Variants in ARHGEF12 observed in about 807,000 individuals in gnomAD.
ARHGEF12 encodes KMT2A/ARHGEF12 fusion protein.
Under a neutral mutation model 211.2 loss-of-function variants are expected in ARHGEF12, and 66 were observed. That is an observed-to-expected ratio of 0.31 (90% CI 0.26 to 0.38). The LOEUF is 0.38. Ranked by LOEUF, ARHGEF12 falls within the 10% of genes least tolerant of loss-of-function variation. The probability of loss-of-function intolerance (pLI) is 1.00; values close to 1 mark genes in which losing one functional copy is unlikely to be tolerated. For missense variants in ARHGEF12, 1,429 were observed against 1,869.5 expected, an observed-to-expected ratio of 0.76 and a Z score of 4.34; for synonymous variants, 592 against 638.4, an observed-to-expected ratio of 0.93 and a Z score of 1.09.
At chr11:120,362,714 C>T (rs1943310357) in intron 1 of ARHGEF12, among the ~76,000 whole-genome samples, 1 of 152,088 alleles carries the variant, frequency 6.6e-6, no homozygotes, top group Non-Finnish European at 1.5e-5. Flanking sequence ...TTTCTTGCTC[C>T]ACTCTAAGGA....
chr11:120,459,423 T>C (rs1409078268), intron 26 of ARHGEF12, 103 bp downstream of exon 26: 1 of 1,228,530 alleles, frequency 8.1e-7, no homozygotes, highest in African/African-American at 1.5e-5. Context: ...TTCCTGAGAT[T>C]ATGTGTGAGA....
At chr11:120,448,196 C>T (rs759509035) in intron 19 of ARHGEF12, 38 bp from the exon 20 acceptor site, 2 of 1,461,598 alleles carry the variant, frequency 1.4e-6, no homozygotes, top group Non-Finnish European at 1.9e-6. Context: ...ACCCTCCCTT[C>T]TCAGAAGTCT....
At chr11:120,347,186 TTC>T (rs1942781122) in intron 1 of ARHGEF12, among the ~76,000 whole-genome samples, 1 of 135,888 alleles carries the variant, frequency 7.4e-6, no homozygotes, top group Non-Finnish European at 1.6e-5. Context: ...CTTCCTTCCT[TTC>T]TTTCTTTCTT....
intron 34 of ARHGEF12, 150 bp downstream of exon 34, chr11:120,476,898 T>C: frequency 1.6e-6 from 1 of 628,592 alleles, no homozygotes. Flanking sequence ...GAACTTGTTC[T>C]TTTTTAGGTT....
chr11:120,368,217 C>T (rs1943484322), intron 1 of ARHGEF12, among the ~76,000 whole-genome samples: 2 of 152,264 alleles, frequency 1.3e-5, no homozygotes, highest in Non-Finnish European at 1.5e-5. Context: ...GTCTAGCTAT[C>T]TCCATGATAA....
intron 1 of ARHGEF12, among the ~76,000 whole-genome samples, chr11:120,397,398 G>A (rs562897542): frequency 6.6e-6 from 1 of 152,220 alleles, no homozygotes; most frequent in Non-Finnish European, 1.5e-5. Context: ...GTCATTTCTA[G>A]TCCAAACTCC....
In ARHGEF12 at chr11:120,481,580, C is replaced by T. The variant is rs377422494; in HGVS notation, c.4554+4C>T. Reference sequence around the variant, plus strand: ...GGCTGACCTTGAACACTTAAAGGTACCTCATACTTCCACATCCATAGGACT... The same window carrying T: ...GGCTGACCTTGAACACTTAAAGGTATCTCATACTTCCACATCCATAGGACT... On this transcript the variant is annotated splice_donor_region_variant and intron_variant, in intron 39 of 40. Coordinates refer to ENST00000397843, the MANE Select transcript of ARHGEF12 (RefSeq NM_015313.3). The T allele has an allele frequency of 2.2e-5, 36 of 1,611,062 alleles. No individual in the cohort carries two copies. In the African/African-American group the frequency reaches 4.4e-4, roughly 20 times the overall value.
intron 1 of ARHGEF12, among the ~76,000 whole-genome samples, chr11:120,352,496 G>A (rs1943013250): frequency 6.6e-6 from 1 of 152,110 alleles, no homozygotes; most frequent in Non-Finnish European, 1.5e-5. Flanking sequence ...ATTTTTATTT[G>A]CGTTGTTATA....
intron 6 of ARHGEF12, 21 bp downstream of exon 6, chr11:120,421,873 G>A: frequency 6.3e-7 from 1 of 1,593,098 alleles, no homozygotes; most frequent in Non-Finnish European, 8.6e-7. Context: ...GGCTATTATA[G>A]AATTTACGGT....
chr11:120,448,407 G>T (rs192339167), intron 20 of ARHGEF12, 59 bp downstream of exon 20: 1 of 1,299,068 alleles, frequency 7.7e-7, no homozygotes, highest in Non-Finnish European at 1.1e-6. Context: ...ACATTTGGTT[G>T]CAGTGTCTTC....
At chr11:120,422,584 C>A (rs1402479885) in intron 6 of ARHGEF12, among the ~76,000 whole-genome samples, 1 of 152,028 alleles carries the variant, frequency 6.6e-6, no homozygotes, top group African/African-American at 2.4e-5. Context: ...GGGTCTGATC[C>A]CCAAGATGTA....
intron 30 of ARHGEF12, 51 bp from the exon 31 acceptor site, chr11:120,472,999 G>A (rs1946914434): frequency 6.5e-7 from 1 of 1,536,836 alleles, no homozygotes; most frequent in South Asian, 1.1e-5. Context: ...AAATAGAGAG[G>A]TCATTAATGA....
At chr11:120,397,807 A>G (rs933259665) in intron 1 of ARHGEF12, among the ~76,000 whole-genome samples, 2 of 152,202 alleles carry the variant, frequency 1.3e-5, no homozygotes, top group African/African-American at 4.8e-5. Context: ...ATATGTAAAC[A>G]TATGTTGATA....
chr11:120,461,510 G>A (rs73584117), intron 27 of ARHGEF12, among the ~76,000 whole-genome samples: 1,821 of 152,208 alleles, frequency 0.012, 38 homozygotes, highest in African/African-American at 0.04. Flanking sequence ...TATTCTTAAG[G>A]GTCCCAGGAA....
chr11:120,473,056 G>T lies in ARHGEF12; in HGVS notation c.2962G>T (p.Glu988Ter). 1 of 1,613,626 alleles carries T rather than the reference G, an allele frequency of 6.2e-7. No homozygotes were observed. The highest frequency in any genetic ancestry group is 8.5e-7 in the Non-Finnish European group (1 of 1,179,710). Reference sequence around the variant, plus strand: ...CACCCTGCCTAATTTTCAGCGCCTAGAAGATTATCAGCGTCGCCTTGATAC... The same window carrying T: ...CACCCTGCCTAATTTTCAGCGCCTATAAGATTATCAGCGTCGCCTTGATAC... Reference protein sequence around the residue: ...VKEAENKQRLEDYQRRLDTSS... With the variant: ...VKEAENKQRL The change falls in exon 31 of 41, where the codon GAA (glutamate) becomes TAA (stop). Residue 988 changes from glutamate (E) to a stop codon, truncating the protein, a stop_gained. Coordinates refer to ENST00000397843, the MANE Select transcript of ARHGEF12 (RefSeq NM_015313.3). LOFTEE classifies it high-confidence loss of function.
chr11:120,353,934 A>G (rs1052945412), intron 1 of ARHGEF12, among the ~76,000 whole-genome samples: 1 of 152,190 alleles, frequency 6.6e-6, no homozygotes, highest in African/African-American at 2.4e-5. Context: ...GTGGAGGTGG[A>G]TGCCCAACCC....
chr11:120,395,245 A>G (rs1460109974), intron 1 of ARHGEF12, among the ~76,000 whole-genome samples: 1 of 151,962 alleles, frequency 6.6e-6, no homozygotes, highest in African/African-American at 2.4e-5. Context: ...CTCTGTGTGT[A>G]TGTATGTGTG....
intron 7 of ARHGEF12, 94 bp downstream of exon 7, chr11:120,424,509 T>C: frequency 9.8e-7 from 1 of 1,015,886 alleles, no homozygotes; most frequent in Non-Finnish European, 1.5e-6. Context: ...AGTAAATATT[T>C]AGGCTATGTG....
At chr11:120,443,254 A>G (rs1489351781) in intron 15 of ARHGEF12, among the ~76,000 whole-genome samples, 1 of 152,058 alleles carries the variant, frequency 6.6e-6, no homozygotes, top group Non-Finnish European at 1.5e-5. Context: ...TCCTAGGCTC[A>G]AGCAATCTGC....
Sources: allele counts gnomAD v4.1 joint callset (sites outside exome capture counted in the v4.1 genomes callset), GRCh38; gene constraint gnomAD v4.1.1; transcripts MANE v1.5; gene names NCBI Gene and HGNC (gene_info 2026-07-23, HGNC 2026-07-21).